DPP10: variants seen among roughly 807,000 people sequenced by gnomAD.
DPP10 encodes the protein dipeptidyl peptidase like 10, also known as inactive dipeptidyl peptidase 10.
In DPP10, 33 loss-of-function variants were observed where a neutral mutation model predicts 120.9. The observed-to-expected ratio is 0.27, with a 90% CI of 0.21 to 0.37. The LOEUF is 0.37. Among genes scored for constraint, DPP10 ranks in the 10% least tolerant of loss-of-function variants. The probability of loss-of-function intolerance (pLI) is 1.00; values close to 1 mark genes in which losing one functional copy is unlikely to be tolerated. For synonymous variants in DPP10, 337 were observed against 326.1 expected, an observed-to-expected ratio of 1.03 and a Z score of -0.36; for missense variants, 816 against 942.8, an observed-to-expected ratio of 0.87 and a Z score of 1.76.
chr2:115,487,516 G>C (rs1159154648), intron 3 of DPP10, among the ~76,000 whole-genome samples: 1 of 22,464 alleles, frequency 4.5e-5, no homozygotes, highest in Non-Finnish European at 7.4e-5. Flanking sequence ...GCATGGTACT[G>C]GTACCAAAAC....
intron 1 of DPP10, among the ~76,000 whole-genome samples, chr2:114,496,497 G>A (rs1208997868): frequency 1.3e-5 from 2 of 152,076 alleles, no homozygotes; most frequent in Non-Finnish European, 2.9e-5. Context: ...CTGGTTTGTA[G>A]ATGACTGTTT....
chr2:115,119,638 G>A (rs1045483757), intron 1 of DPP10, among the ~76,000 whole-genome samples: 1 of 152,186 alleles, frequency 6.6e-6, no homozygotes, highest in African/African-American at 2.4e-5. Flanking sequence ...CCATGGGTTG[G>A]TGAAAGTGGT....
intron 1 of DPP10, among the ~76,000 whole-genome samples, chr2:114,587,301 CAAAAAAAAAAA>C (rs11364968): frequency 9.7e-6 from 1 of 103,220 alleles, no homozygotes; most frequent in African/African-American, 3.8e-5. Flanking sequence ...AACTCCATCT[CAAAAAAAAAAA>C]AAAAAAAAAT....
intron 1 of DPP10, among the ~76,000 whole-genome samples, chr2:114,804,258 G>T (rs966902429): frequency 2.0e-5 from 3 of 152,256 alleles, no homozygotes; most frequent in African/African-American, 7.2e-5. Context: ...TGGATGCCCA[G>T]ATAAAAGTTT....
intron 1 of DPP10, among the ~76,000 whole-genome samples, chr2:114,753,991 G>A (rs1187810405): frequency 6.6e-6 from 1 of 150,674 alleles, no homozygotes; most frequent in Non-Finnish European, 1.5e-5. Flanking sequence ...ACTATGAAGA[G>A]AAAATAGTGT....
chr2:115,695,375 T>C (rs1265289128), intron 7 of DPP10, among the ~76,000 whole-genome samples: 1 of 152,180 alleles, frequency 6.6e-6, no homozygotes, highest in Non-Finnish European at 1.5e-5. Context: ...AAGACATGCC[T>C]GAGACTGGGT....
At chr2:115,089,312 C>A (rs2104549216) in intron 1 of DPP10, among the ~76,000 whole-genome samples, 1 of 152,274 alleles carries the variant, frequency 6.6e-6, no homozygotes, top group Non-Finnish European at 1.5e-5. Context: ...ATTCTTTTCT[C>A]TTTGACTTCC....
At chr2:115,650,414 G>A (rs555255546) in intron 5 of DPP10, among the ~76,000 whole-genome samples, 9 of 145,996 alleles carry the variant, frequency 6.2e-5, no homozygotes, top group Non-Finnish European at 1.3e-4. Flanking sequence ...GGGGAAAGGG[G>A]GGGGGGGATA....
At chr2:115,603,855 G>A (rs1213754757) in intron 5 of DPP10, among the ~76,000 whole-genome samples, 1 of 152,078 alleles carries the variant, frequency 6.6e-6, no homozygotes, top group Non-Finnish European at 1.5e-5. Flanking sequence ...CACTTATTAT[G>A]TAGCAATCTT....
intron 7 of DPP10, among the ~76,000 whole-genome samples, chr2:115,723,728 C>A (rs1354192581): frequency 6.6e-6 from 1 of 151,376 alleles, no homozygotes; most frequent in Non-Finnish European, 1.5e-5. Context: ...GGGAATAACA[C>A]ATTATAATTT....
At chr2:114,722,286 G>T (rs976715455) in intron 1 of DPP10, among the ~76,000 whole-genome samples, 1 of 152,090 alleles carries the variant, frequency 6.6e-6, no homozygotes, top group Non-Finnish European at 1.5e-5. Context: ...TTTTTGTCAA[G>T]AATGATGATT....
At chr2:115,298,015 G>A (rs1305951860) in intron 1 of DPP10, among the ~76,000 whole-genome samples, 1 of 151,984 alleles carries the variant, frequency 6.6e-6, no homozygotes, top group Non-Finnish European at 1.5e-5. Context: ...CTAGTTATCC[G>A]CCAGTCCTCA....
At chr2:115,572,603 A>G (rs1339057428) in intron 5 of DPP10, among the ~76,000 whole-genome samples, 1 of 152,196 alleles carries the variant, frequency 6.6e-6, no homozygotes, top group African/African-American at 2.4e-5. Context: ...TGAGATTCTT[A>G]AAATGTACAT....
At chr2:115,695,508 A>G (rs2091536072) in intron 7 of DPP10, among the ~76,000 whole-genome samples, 1 of 152,162 alleles carries the variant, frequency 6.6e-6, no homozygotes, top group Non-Finnish European at 1.5e-5. Context: ...GCAGGAGGGC[A>G]TGTGCAAGAG....
chr2:114,716,724 AT>A (rs1475190991), intron 1 of DPP10, among the ~76,000 whole-genome samples: 3 of 152,196 alleles, frequency 2.0e-5, no homozygotes, highest in African/African-American at 7.2e-5. Context: ...AAACCATAGT[AT>A]TTTAGAAGTG....
At chr2:115,286,513 A>T (rs6751821) in intron 1 of DPP10, among the ~76,000 whole-genome samples, 617 of 38,448 alleles carry the variant, frequency 0.016, 32 homozygotes, top group East Asian at 0.096. Context: ...TTACATATAT[A>T]ATATATATAT....
At chr2:115,337,271 G>T (rs1349891984) in intron 2 of DPP10, among the ~76,000 whole-genome samples, 2 of 152,018 alleles carry the variant, frequency 1.3e-5, no homozygotes, top group African/African-American at 4.8e-5. Flanking sequence ...CTCCAGAGGG[G>T]CTTACACTAA....
intron 1 of DPP10, among the ~76,000 whole-genome samples, chr2:115,214,097 T>A (rs1349572971): frequency 6.6e-6 from 1 of 152,174 alleles, no homozygotes; most frequent in Admixed American, 6.6e-5. Context: ...TGGGAAGCAG[T>A]CCTGGGGAGG....
intron 1 of DPP10, among the ~76,000 whole-genome samples, chr2:114,993,406 C>G (rs1197076709): frequency 6.6e-6 from 1 of 150,690 alleles, no homozygotes; most frequent in African/African-American, 2.4e-5. Context: ...AATTAGTCAT[C>G]TAGGGTTAAG....
Sources: allele counts gnomAD v4.1 joint callset (sites outside exome capture counted in the v4.1 genomes callset), GRCh38; gene constraint gnomAD v4.1.1; transcripts MANE v1.5; gene names NCBI Gene and HGNC (gene_info 2026-07-23, HGNC 2026-07-21).